The following SOX6 variants were observed in gnomAD, a reference collection of about 807,000 sequenced individuals.
SOX6 encodes transcription factor SOX-6.
SOX6 carries 11 observed loss-of-function variants against 97.8 expected under a neutral mutation model. That is an observed-to-expected ratio of 0.11 (90% CI 0.07 to 0.19). The LOEUF is 0.19. Among genes scored for constraint, SOX6 ranks in the 10% least tolerant of loss-of-function variants. The pLI is 1.00. For synonymous variants in SOX6, 360 were observed against 371.4 expected, an observed-to-expected ratio of 0.97 and a Z score of 0.35; for missense variants, 810 against 1,039.5, an observed-to-expected ratio of 0.78 and a Z score of 3.04.
At chr11:16,289,934 G>C (rs774989407) in intron 3 of SOX6, among the ~76,000 whole-genome samples, 44 of 152,010 alleles carry the variant, frequency 2.9e-4, no homozygotes, top group Non-Finnish European at 3.4e-4. Flanking sequence ...GGGAGCTGAA[G>C]TCTAATTAAG....
chr11:16,384,059 C>A (rs1474373617), intron 1 of SOX6, among the ~76,000 whole-genome samples: 4 of 151,780 alleles, frequency 2.6e-5, no homozygotes, highest in Non-Finnish European at 5.9e-5. Context: ...CATTGAGAAA[C>A]GTTGTTAAAA....
At chr11:16,382,498 T>C (rs1857854054) in intron 1 of SOX6, 1 of 151,956 alleles carries the variant, frequency 6.6e-6, no homozygotes, top group African/African-American at 2.4e-5. Context: ...AATAATAAAA[T>C]AGCAAATTAA....
chr11:16,106,785 C>T (rs1404578945), intron 7 of SOX6, among the ~76,000 whole-genome samples: 2 of 151,898 alleles, frequency 1.3e-5, no homozygotes, highest in Admixed American at 1.3e-4. Context: ...TAAAAAGATA[C>T]TATGAAGAAT....
intron 3 of SOX6, among the ~76,000 whole-genome samples, chr11:16,257,581 T>C (rs1220920193): frequency 6.6e-6 from 1 of 151,840 alleles, no homozygotes; most frequent in East Asian, 1.9e-4. Flanking sequence ...GACCTAAATG[T>C]AAAACACAAA....
chr11:16,485,612 T>C (rs1860415221), intron 4 of SOX6, among the ~76,000 whole-genome samples: 1 of 151,080 alleles, frequency 6.6e-6, no homozygotes, highest in African/African-American at 2.4e-5. Flanking sequence ...GTGGCTATAA[T>C]CCCAGCTACT....
chr11:16,477,397 C>T (rs963509858), upstream of SOX6, among the ~76,000 whole-genome samples: 1 of 152,158 alleles, frequency 6.6e-6, no homozygotes, highest in African/African-American at 2.4e-5. Context: ...CCACTGCACC[C>T]AACTTGCAAT....
chr11:16,528,277 C>T (rs1287728543), intron 4 of SOX6, among the ~76,000 whole-genome samples: 4 of 152,122 alleles, frequency 2.6e-5, no homozygotes, highest in Non-Finnish European at 5.9e-5. Flanking sequence ...GTCACACTTA[C>T]TATATTCCAA....
chr11:16,007,315 T>C (rs969205391), intron 13 of SOX6, among the ~76,000 whole-genome samples: 6 of 152,112 alleles, frequency 3.9e-5, no homozygotes, highest in African/African-American at 1.4e-4. Context: ...GTGTAATTTG[T>C]TTAAACATAG....
At chr11:16,538,313 C>T (rs1023959913) in intron 4 of SOX6, among the ~76,000 whole-genome samples, 1 of 152,176 alleles carries the variant, frequency 6.6e-6, no homozygotes, top group African/African-American at 2.4e-5. Context: ...CTTACAAGAG[C>T]TCCTGAAGGA....
At chr11:16,712,422 A>AT (rs1848189026) in intron 3 of SOX6, among the ~76,000 whole-genome samples, 1 of 150,488 alleles carries the variant, frequency 6.6e-6, no homozygotes. Context: ...TTTTTTTTTT[A>AT]TTTTTTAATT....
chr11:15,989,784 G>T (rs1853988603), intron 13 of SOX6, among the ~76,000 whole-genome samples: 1 of 151,822 alleles, frequency 6.6e-6, no homozygotes, highest in Non-Finnish European at 1.5e-5. Context: ...CTATAACCTA[G>T]GTTTTATGCC....
chr11:16,215,685 C>T (rs1467213859), intron 4 of SOX6, among the ~76,000 whole-genome samples: 1 of 152,020 alleles, frequency 6.6e-6, no homozygotes, highest in Non-Finnish European at 1.5e-5. Flanking sequence ...AGGAGAAGAT[C>T]CTCAAACCTG....
intron 4 of SOX6, among the ~76,000 whole-genome samples, chr11:16,565,721 T>TAAAAAAAAAA (rs869172397): frequency 1.6e-4 from 1 of 6,450 alleles, no homozygotes; most frequent in African/African-American, 5.5e-4. Context: ...AATAAATAAA[T>TAAAAAAAAAA]AAAAAAAAAA....
chr11:16,649,153 T>C (rs903034903), intron 3 of SOX6, among the ~76,000 whole-genome samples: 8 of 152,192 alleles, frequency 5.3e-5, no homozygotes, highest in African/African-American at 1.9e-4. Flanking sequence ...ATAATTGGTA[T>C]TCCTGGAGAA....
intron 3 of SOX6, among the ~76,000 whole-genome samples, chr11:16,680,997 C>T (rs1847923260): frequency 6.6e-6 from 1 of 152,136 alleles, no homozygotes; most frequent in East Asian, 1.9e-4. Context: ...TAGACTCCCA[C>T]ACAATAATAC....
intron 2 of SOX6, among the ~76,000 whole-genome samples, chr11:16,329,236 T>A (rs1310634933): frequency 6.6e-6 from 1 of 152,080 alleles, no homozygotes; most frequent in Non-Finnish European, 1.5e-5. Context: ...AGAAAAAAAA[T>A]AACAAACCCA....
intron 2 of SOX6, among the ~76,000 whole-genome samples, chr11:16,321,333 G>A (rs1324655742): frequency 6.6e-6 from 1 of 150,612 alleles, no homozygotes; most frequent in African/African-American, 2.4e-5. Context: ...ATATGTGGAA[G>A]TGGTTACCTA....
chr11:16,504,862 T>C (rs1860761004), intron 4 of SOX6, among the ~76,000 whole-genome samples: 1 of 152,172 alleles, frequency 6.6e-6, no homozygotes, highest in African/African-American at 2.4e-5. Context: ...AAGATGTTCC[T>C]GCTTCCCCTT....
chr11:16,232,720 T>C lies in SOX6; in HGVS notation c.535+1862A>G, dbSNP rs188893070. Among the ~76,000 whole-genome samples, 104 of 152,244 alleles carry C rather than the reference T, an allele frequency of 6.8e-4. 1 individual carries two copies. Among genetic ancestry groups the C allele is most frequent in the Non-Finnish European group, 1.0e-3 (70 of 67,958 alleles). The stretch of plus-strand genomic sequence containing the variant: ...CCTCATCTTTCATGCTGGAAAAAGC[T>C]TGCCTTTGTACAAACCATTTCTGTT... On this transcript the variant is annotated intron_variant, in intron 4 of 15. Coordinates refer to ENST00000683767, the MANE Select transcript of SOX6 (RefSeq NM_001367873.1).
Sources: gnomAD v4.1 joint callset for allele counts (sites outside exome capture counted in the v4.1 genomes callset) on GRCh38, gnomAD v4.1.1 for gene constraint, MANE v1.5 for transcripts, NCBI Gene and HGNC (gene_info 2026-07-23, HGNC 2026-07-21) for gene names.